Variants in RORB observed in about 807,000 individuals in gnomAD.
The protein encoded by RORB is RAR related orphan receptor B, also known as nuclear receptor ROR-beta.
Under a neutral mutation model 59.1 loss-of-function variants are expected in RORB, and 6 were observed. The observed-to-expected ratio is 0.10, with a 90% CI of 0.06 to 0.20. The LOEUF (loss-of-function observed/expected upper bound fraction) is 0.20. Ranked by LOEUF, RORB falls within the 10% of genes least tolerant of loss-of-function variation. The pLI, the probability that RORB is intolerant of heterozygous loss-of-function variation, is 1.00. For synonymous variants in RORB, 215 were observed against 204.5 expected (o/e 1.05, Z -0.44); for missense variants, 320 against 560.5 (o/e 0.57, Z 4.33).
At chr9:74,630,165 C>T in intron 1 of RORB, 117 bp from the exon 2 acceptor site, 3 of 1,377,368 alleles carry the variant, frequency 2.2e-6, no homozygotes, top group South Asian at 3.3e-5. Context: ...CCACCGCTCA[C>T]ACCCCAGTAT....
chr9:74,548,676 C>T (rs1563934132), intron 1 of RORB, among the ~76,000 whole-genome samples: 1 of 152,132 alleles, frequency 6.6e-6, no homozygotes, highest in Non-Finnish European at 1.5e-5. Flanking sequence ...GCAGTGTGAA[C>T]TTCGAAAGTA....
intron 4 of RORB, among the ~76,000 whole-genome samples, chr9:74,645,433 C>T (rs983848187): frequency 6.6e-6 from 1 of 152,146 alleles, no homozygotes; most frequent in Non-Finnish European, 1.5e-5. Flanking sequence ...GCATTTAAAA[C>T]CCAATTGTGC....
At chr9:74,610,077 C>A (rs1260561826) in intron 1 of RORB, among the ~76,000 whole-genome samples, 2 of 152,198 alleles carry the variant, frequency 1.3e-5, no homozygotes, top group Non-Finnish European at 2.9e-5. Context: ...ATGTATACAG[C>A]GTCTCACATT....
intron 1 of RORB, among the ~76,000 whole-genome samples, chr9:74,554,389 A>G (rs1480456705): frequency 6.6e-6 from 1 of 152,122 alleles, no homozygotes; most frequent in Non-Finnish European, 1.5e-5. Flanking sequence ...TACATCAGGG[A>G]AAGATATGCT....
At chr9:74,619,461 T>G (rs1823372066) in intron 1 of RORB, among the ~76,000 whole-genome samples, 1 of 152,174 alleles carries the variant, frequency 6.6e-6, no homozygotes. Context: ...GTTGTTTTTC[T>G]TATTTTTTGA....
At chr9:74,517,460 A>G (rs962942744) in intron 1 of RORB, among the ~76,000 whole-genome samples, 2 of 152,048 alleles carry the variant, frequency 1.3e-5, no homozygotes, top group Non-Finnish European at 2.9e-5. Flanking sequence ...GCACCTTGTT[A>G]GCAGTCAAAA....
intron 1 of RORB, among the ~76,000 whole-genome samples, chr9:74,530,300 T>C (rs1368334798): frequency 6.6e-6 from 1 of 152,046 alleles, no homozygotes; most frequent in Non-Finnish European, 1.5e-5. Context: ...CTATCATAGT[T>C]GGTGTACCCT....
intron 4 of RORB, among the ~76,000 whole-genome samples, chr9:74,643,349 A>G (rs11144033): frequency 0.35 from 53,819 of 152,108 alleles, 9,927 homozygotes; most frequent in Non-Finnish European, 0.42. Flanking sequence ...AATTCCATAT[A>G]GGATTCTGAA....
chr9:74,595,230 C>T (rs1225056205), intron 1 of RORB, among the ~76,000 whole-genome samples: 2 of 152,080 alleles, frequency 1.3e-5, no homozygotes, highest in African/African-American at 2.4e-5. Flanking sequence ...ATGGTTAGTA[C>T]ACATTAGGAC....
chr9:74,668,699 CAT>C (rs1370392584), intron 8 of RORB, among the ~76,000 whole-genome samples: 1 of 152,096 alleles, frequency 6.6e-6, no homozygotes, highest in Non-Finnish European at 1.5e-5. Flanking sequence ...GGAAGTGGAT[CAT>C]CATAAAGGTC....
At chr9:74,668,046 G>C (rs969836597) in intron 8 of RORB, 145 bp downstream of exon 8, 30 of 600,158 alleles carry the variant, frequency 5.0e-5, no homozygotes, top group Non-Finnish European at 8.3e-5. Context: ...TTTTTGGACA[G>C]TGAAAAGGGA....
At chr9:74,662,942 G>GAA (rs35451203) in intron 6 of RORB, among the ~76,000 whole-genome samples, 1 of 142,812 alleles carries the variant, frequency 7.0e-6, no homozygotes, top group African/African-American at 2.6e-5. Flanking sequence ...TCTGTGAAAG[G>GAA]AAAAAAAAAA....
intron 9 of RORB, among the ~76,000 whole-genome samples, chr9:74,672,491 C>T (rs1316052613): frequency 1.3e-5 from 2 of 152,100 alleles, no homozygotes; most frequent in African/African-American, 2.4e-5. Context: ...CTGATCTCTT[C>T]GTGCAAGACT....
intron 1 of RORB, among the ~76,000 whole-genome samples, chr9:74,625,069 C>T (rs543761514): frequency 2.6e-5 from 4 of 152,130 alleles, no homozygotes; most frequent in African/African-American, 9.6e-5. Context: ...AAAGATGCTA[C>T]AAGTATAGCC....
At chr9:74,507,876 C>A (rs914255356) in intron 1 of RORB, among the ~76,000 whole-genome samples, 5 of 152,070 alleles carry the variant, frequency 3.3e-5, no homozygotes, top group Non-Finnish European at 7.4e-5. Context: ...TGAGTATGAG[C>A]AAATGCCACA....
At chr9:74,566,495 T>C (rs1025015147) in intron 1 of RORB, among the ~76,000 whole-genome samples, 8 of 152,194 alleles carry the variant, frequency 5.3e-5, no homozygotes, top group African/African-American at 1.9e-4. Context: ...ATCTTCATCT[T>C]TTATAAAATA....
chr9:74,644,730 T>C (rs1459043640), intron 4 of RORB, among the ~76,000 whole-genome samples: 1 of 152,238 alleles, frequency 6.6e-6, no homozygotes, highest in East Asian at 1.9e-4. Flanking sequence ...TTGAGAGATA[T>C]GTTTGAATCC....
At chr9:74,664,662 A>G (rs977914846) in intron 6 of RORB, among the ~76,000 whole-genome samples, 3 of 152,222 alleles carry the variant, frequency 2.0e-5, no homozygotes, top group Non-Finnish European at 2.9e-5. Flanking sequence ...TAGGTGACGT[A>G]TCAAAGACAA....
rs555915354 is a variant in RORB, at chr9:74,627,031, A to G, written c.8-3251A>G. ...ACAAAAATTAGCTGGGCATGGTGGC[A>G]CACACCGGTAGTCCCAGCTGCTGGG... On this transcript the variant is annotated intron_variant, in intron 1 of 9. Coordinates refer to ENST00000376896, the MANE Select transcript of RORB (RefSeq NM_006914.4). 7.5e-4 allele frequency among the ~76,000 whole-genome samples: 114 copies of G among 152,106 alleles called. 1 individual carries two copies. Among genetic ancestry groups the G allele is most frequent in the Middle Eastern group, 6.8e-3 (2 of 294 alleles).
Sources: gnomAD v4.1 joint callset for allele counts (sites outside exome capture counted in the v4.1 genomes callset) on GRCh38, gnomAD v4.1.1 for gene constraint, MANE v1.5 for transcripts, NCBI Gene and HGNC (gene_info 2026-07-23, HGNC 2026-07-21) for gene names.